The following HSPA14 variants were observed in gnomAD, a reference collection of about 807,000 sequenced individuals.
The protein encoded by HSPA14 is heat shock 70 kDa protein 14.
In HSPA14, 37 loss-of-function variants were observed where a neutral mutation model predicts 65.5. The ratio of observed to expected loss-of-function variants is 0.56; its 90% CI spans 0.43 to 0.74. The LOEUF (loss-of-function observed/expected upper bound fraction) is 0.74. Among genes scored for constraint, HSPA14 ranks in the 30% least tolerant of loss-of-function variants. HSPA14 has a pLI of 0.00. For synonymous variants in HSPA14, 203 were observed against 214.2 expected, an observed-to-expected ratio of 0.95 and a Z score of 0.46; for missense variants, 564 against 607.6, an observed-to-expected ratio of 0.93 and a Z score of 0.75.
chr10:14,843,549 T>C, intron 3 of HSPA14: 2 of 1,550,654 alleles, frequency 1.3e-6, no homozygotes, highest in Non-Finnish European at 1.7e-6. Context: ...CAGTCTCCTC[T>C]TCGAGAGCTG....
At chr10:14,857,491 T>C (rs1832712417) in intron 10 of HSPA14, among the ~76,000 whole-genome samples, 1 of 152,254 alleles carries the variant, frequency 6.6e-6, no homozygotes, top group South Asian at 2.1e-4. Context: ...CTTTTCACTT[T>C]ATATTTCATT....
intron 12 of HSPA14, among the ~76,000 whole-genome samples, chr10:14,870,007 A>G (rs1832840921): frequency 6.6e-6 from 1 of 152,258 alleles, no homozygotes; most frequent in Admixed American, 6.5e-5. Context: ...CTAAGTTATT[A>G]AACTAGAGTT....
intron 3 of HSPA14, among the ~76,000 whole-genome samples, chr10:14,848,126 C>A (rs1184082799): frequency 6.6e-6 from 1 of 152,220 alleles, no homozygotes; most frequent in Non-Finnish European, 1.5e-5. Flanking sequence ...TAGTACTCTG[C>A]ACCTTTCTAT....
chr10:14,856,010 T>C (rs1832690279), intron 10 of HSPA14, 67 bp downstream of exon 10: 2 of 841,268 alleles, frequency 2.4e-6, no homozygotes, highest in Admixed American at 2.1e-5. Flanking sequence ...AGGAAATAGC[T>C]CTGGGTACTG....
At chr10:14,846,234 G>T in intron 3 of HSPA14, 2 of 985,290 alleles carry the variant, frequency 2.0e-6, no homozygotes, top group Non-Finnish European at 2.4e-6. Flanking sequence ...TAGGTAGGTA[G>T]GTAGGTAGGT....
At chr10:14,869,482 A>G (rs1832836352) in intron 12 of HSPA14, among the ~76,000 whole-genome samples, 1 of 151,888 alleles carries the variant, frequency 6.6e-6, no homozygotes, top group South Asian at 2.1e-4. Flanking sequence ...TTTTTAGTAG[A>G]GACAGTTTCA....
At chr10:14,849,507 A>C in intron 5 of HSPA14, 1 of 648,278 alleles carries the variant, frequency 1.5e-6, no homozygotes, top group Non-Finnish European at 2.9e-6. Flanking sequence ...GCTGTTTGGA[A>C]AGCTAATTCT....
Position 14,842,968 on chromosome 10 carries a change from C to T in HSPA14, c.221+2811C>T, listed in dbSNP as rs1383136483. ...CCTGTTTCTGCCTCATTCTGCCCCA[C>T]GCACCTTTTCAAAAACCTAATAGTA... On this transcript the variant is annotated intron_variant, in intron 3 of 13. Coordinates refer to ENST00000378372, the MANE Select transcript of HSPA14 (RefSeq NM_016299.4). This position sits in a 1 kb window ranked among gnomAD's most constrained non-coding sequence, Gnocchi z 5.2. The T allele has an allele frequency of 1.3e-5, 10 of 788,518 alleles. No homozygotes were observed. The highest frequency in any genetic ancestry group is 1.1e-4 in the East Asian group (4 of 37,302). 48.8% of individuals were successfully genotyped at this position (788,518 alleles called of 1,614,324 possible).
At chr10:14,847,305 C>T (rs770736581) in intron 3 of HSPA14, among the ~76,000 whole-genome samples, 22 of 152,168 alleles carry the variant, frequency 1.4e-4, no homozygotes, top group Non-Finnish European at 2.8e-4. Flanking sequence ...GAAAACAGAA[C>T]TAGTAAGTGT....
At chr10:14,853,758 C>T (rs1460692645) in intron 8 of HSPA14, among the ~76,000 whole-genome samples, 5 of 152,118 alleles carry the variant, frequency 3.3e-5, no homozygotes, top group Non-Finnish European at 5.9e-5. Flanking sequence ...TTGCTCTTGT[C>T]GCCCAGGTTG....
At position 14,839,755 on chromosome 10, in the gene HSPA14, G is replaced by A. The variant is rs75050746; in HGVS notation, c.58-150G>A. Reference sequence around the variant, plus strand: ...GGAATTATAGGCTTTCTATGAAAACGAGGAAATTAAATGGTAATTAAATTT... The same window carrying A: ...GGAATTATAGGCTTTCTATGAAAACAAGGAAATTAAATGGTAATTAAATTT... On this transcript the variant is annotated intron_variant, in intron 1 of 13. Coordinates refer to ENST00000378372, the MANE Select transcript of HSPA14 (RefSeq NM_016299.4). The A allele has an allele frequency of 1.7e-3, 789 of 451,146 alleles. 28 individuals are homozygous for A. In the East Asian group the frequency reaches 0.028, roughly 16 times the overall value. The allele number at this position is 451,146 out of a possible 1,614,324, so 27.9% of individuals were successfully genotyped here.
intron 3 of HSPA14, chr10:14,843,493 A>G: frequency 1.3e-6 from 2 of 1,550,630 alleles, no homozygotes; most frequent in Admixed American, 3.9e-5. Context: ...CCCCTGCACC[A>G]GCACCAACCG....
Position 14,843,492 on chromosome 10 carries a change from C to T in HSPA14, c.221+3335C>T, listed in dbSNP as rs1396016994. ...TGTCCGGGGAGCCCAGCCCCTGCAC[C>T]AGCACCAACCGCAGCACTCCTGGGG... On this transcript the variant is annotated intron_variant, in intron 3 of 13. Coordinates refer to ENST00000378372, the MANE Select transcript of HSPA14 (RefSeq NM_016299.4). 1.9e-6 allele frequency: 3 copies of T among 1,550,514 alleles called. No individual in the cohort carries two copies. In the East Asian group the frequency reaches 7.3e-5, roughly 38 times the overall value.
Position 14,842,412 on chromosome 10 carries a change from A to C in HSPA14, c.221+2255A>C. On this transcript the variant is annotated intron_variant, in intron 3 of 13. Transcript: ENST00000378372. The surrounding 1 kb of genome is among the most constrained non-coding windows in gnomAD (Gnocchi z 5.2). ...ACTGTGCATCACAATGCAGATGTCT[A>C]TCAGGCTGTGTCTAAGCGAATGCAG... 6.5e-7 allele frequency: 1 copy of C among 1,536,186 alleles called. No homozygotes were observed. The highest frequency in any genetic ancestry group is 8.7e-7 in the Non-Finnish European group (1 of 1,146,922).
At position 14,842,551 on chromosome 10, in the gene HSPA14, C is replaced by T. The variant is rs1348033250; in HGVS notation, c.221+2394C>T. On this transcript the variant is annotated intron_variant, in intron 3 of 13. Transcript: ENST00000378372. This position sits in a 1 kb window ranked among gnomAD's most constrained non-coding sequence, Gnocchi z 5.2. ...CCACAAGTATGGGTGAGCCACCACA[C>T]TGTCCATTTTATGATACGTTGGATC... The T allele has an allele frequency of 4.6e-6, 7 of 1,536,190 alleles. No individual in the cohort carries two copies. Among genetic ancestry groups the T allele is most frequent in the Admixed American group, 3.9e-5 (2 of 51,000 alleles).
chr10:14,842,470 C>T lies in HSPA14; in HGVS notation c.221+2313C>T. On this transcript the variant is annotated intron_variant, in intron 3 of 13. Coordinates refer to ENST00000378372, the MANE Select transcript of HSPA14 (RefSeq NM_016299.4). This position sits in a 1 kb window ranked among gnomAD's most constrained non-coding sequence, Gnocchi z 5.2. ...GCTTCCGCCGCACCGAACGTCAGTG[C>T]CGCTCCAAGTTTAAAGTTCTGAAGG... 1 of 1,536,170 alleles carries T rather than the reference C, an allele frequency of 6.5e-7. No homozygotes were observed. The highest frequency in any genetic ancestry group is 8.7e-7 in the Non-Finnish European group (1 of 1,146,924).
chr10:14,858,794 G>A (rs558448032), intron 10 of HSPA14, among the ~76,000 whole-genome samples: 32 of 152,280 alleles, frequency 2.1e-4, no homozygotes, highest in South Asian at 1.7e-3. Flanking sequence ...GGAAGTAGGC[G>A]CTTCTATCTT....
Position 14,854,106 on chromosome 10 carries a change from G to C in HSPA14, c.735-19G>C. On this transcript the variant is annotated intron_variant, in intron 8 of 13. Transcript: ENST00000378372. ...TGGCCCAGTAATTTTAAACCCCAAA[G>C]GCTATGTTTTTAATTTAGATCCTTC... 1 of 1,578,198 alleles carries C rather than the reference G, an allele frequency of 6.3e-7. No homozygotes were observed. The highest frequency in any genetic ancestry group is 1.4e-5 in the African/African-American group (1 of 73,408).
chr10:14,861,062 T>G (rs1478556155), intron 10 of HSPA14, among the ~76,000 whole-genome samples: 2 of 152,102 alleles, frequency 1.3e-5, no homozygotes, highest in Non-Finnish European at 2.9e-5. Context: ...TCCTTGAGGA[T>G]TGACCCTTGG....
Sources: allele counts gnomAD v4.1 joint callset (sites outside exome capture counted in the v4.1 genomes callset), GRCh38; gene constraint gnomAD v4.1.1; non-coding constraint Gnocchi (gnomAD v3.1); transcripts MANE v1.5; gene names NCBI Gene and HGNC (gene_info 2026-07-23, HGNC 2026-07-21).